Variants in MTUS2 observed in about 807,000 individuals in gnomAD.
MTUS2 encodes microtubule associated scaffold protein 2, also known as microtubule-associated tumor suppressor candidate 2.
Under a neutral mutation model 114.1 loss-of-function variants are expected in MTUS2, and 40 were observed. The observed-to-expected ratio is 0.35, with a 90% CI of 0.27 to 0.46. The LOEUF is 0.46. Ranked by LOEUF, MTUS2 falls within the 20% of genes least tolerant of loss-of-function variation. The pLI is 1.00. For missense variants in MTUS2, 1,679 were observed against 1,705.4 expected, an observed-to-expected ratio of 0.98 and a Z score of 0.27; for synonymous variants, 688 against 672.0, an observed-to-expected ratio of 1.02 and a Z score of -0.37.
chr13:29,022,729 A>G (rs1362848318), intron 2 of MTUS2, among the ~76,000 whole-genome samples: 1 of 152,194 alleles, frequency 6.6e-6, no homozygotes, highest in East Asian at 1.9e-4. Flanking sequence ...CCCTATCCCC[A>G]GTGCCTAATA....
Position 29,158,228 on chromosome 13 carries a change from T to A in MTUS2, c.2644+57258T>A, listed in dbSNP as rs140918649. Among the ~76,000 whole-genome samples the A allele has an allele frequency of 1.1e-3, 167 of 152,236 alleles. 1 individual carries two copies. Among genetic ancestry groups the A allele is most frequent in the African/African-American group, 3.9e-3 (161 of 41,534 alleles). ...ATGCCCTAAGAATAGATGAAAAGAT[T>A]GCCAGTTCTGGAGGACCTACCAAGT... On this transcript the variant is annotated intron_variant, in intron 5 of 15. Transcript: ENST00000612955.
intron 4 of MTUS2, among the ~76,000 whole-genome samples, chr13:29,089,660 T>C (rs1004022010): frequency 5.3e-5 from 8 of 152,316 alleles, no homozygotes; most frequent in Middle Eastern, 3.4e-3. Flanking sequence ...TTTAAATTCT[T>C]TTTTTTGTCT....
chr13:29,069,549 A>G (rs1325233121), intron 4 of MTUS2, among the ~76,000 whole-genome samples: 3 of 152,192 alleles, frequency 2.0e-5, no homozygotes, highest in Non-Finnish European at 2.9e-5. Context: ...ACCAGAAATA[A>G]TGTTTAACCA....
chr13:29,079,765 A>G (rs1270495446), intron 4 of MTUS2, among the ~76,000 whole-genome samples: 2 of 152,168 alleles, frequency 1.3e-5, no homozygotes, highest in Non-Finnish European at 2.9e-5. Flanking sequence ...GTCTATCTTT[A>G]TGCTAGTACC....
chr13:29,026,658 G>C lies in MTUS2; in HGVS notation c.1960G>C (p.Ala654Pro). ...IITYIRRNPQ[A>P]LGQVDASLVP... Reference sequence around the variant, plus strand: ...CACCTACATCAGGAGGAATCCCCAGGCCCTGGGCCAGGTGGACGCCTCGCT... The same window carrying C: ...CACCTACATCAGGAGGAATCCCCAGCCCCTGGGCCAGGTGGACGCCTCGCT... The change falls in exon 3 of 16, where the codon GCC (alanine) becomes CCC (proline). Residue 654 changes from alanine (A) to proline (P), a missense_variant. Ala to Pro is a conservative substitution (Grantham distance 27). This residue lies in a region of MTUS2 where 14 missense variants were observed against 34.9 expected (regional missense o/e 0.40). Coordinates refer to ENST00000612955, the MANE Select transcript of MTUS2 (RefSeq NM_001033602.4). The C allele has an allele frequency of 6.2e-7, 1 of 1,613,972 alleles. No homozygotes were observed.
intron 4 of MTUS2, among the ~76,000 whole-genome samples, chr13:29,068,781 T>G (rs546769661): frequency 8.3e-4 from 126 of 152,160 alleles, no homozygotes; most frequent in Non-Finnish European, 6.2e-4. Flanking sequence ...CACAGGTAGA[T>G]TGTAGAGTGT....
intron 2 of MTUS2, among the ~76,000 whole-genome samples, chr13:28,989,278 T>G (rs906400119): frequency 2.0e-5 from 3 of 152,182 alleles, no homozygotes; most frequent in African/African-American, 7.2e-5. Flanking sequence ...TGCAGATGAA[T>G]TCTCATCTTA....
intron 8 of MTUS2, among the ~76,000 whole-genome samples, chr13:29,362,415 G>A (rs1566154560): frequency 6.6e-6 from 1 of 152,196 alleles, no homozygotes; most frequent in Non-Finnish European, 1.5e-5. Flanking sequence ...AGCCCTTGAA[G>A]AGCTTGGCCT....
chr13:28,988,088 A>G (rs1263339708), intron 2 of MTUS2, among the ~76,000 whole-genome samples: 3 of 152,258 alleles, frequency 2.0e-5, no homozygotes, highest in Non-Finnish European at 4.4e-5. Flanking sequence ...CTCATTTTAC[A>G]GCCAATGTTG....
chr13:29,286,694 C>CTATA (rs1898505041), intron 6 of MTUS2, among the ~76,000 whole-genome samples: 2 of 142,074 alleles, frequency 1.4e-5, no homozygotes, highest in African/African-American at 5.0e-5. Context: ...ATCTATCTAT[C>CTATA]TATCTTACTT....
intron 9 of MTUS2, among the ~76,000 whole-genome samples, chr13:29,479,696 C>G (rs112460645): frequency 6.6e-6 from 1 of 152,208 alleles, no homozygotes; most frequent in South Asian, 2.1e-4. Context: ...TCTTGATGGA[C>G]GTAAGAGTCA....
rs1298716904 is a variant in MTUS2 at position 29,375,488 on chromosome 13, AACCGCAATC to A, written c.3117+16019_3117+16027del. ...GCAATTACTTACTTTTAATGGCAAA[AACCGCAATC>A]ACCTTTGCACCAGCCTACTATATAT... On this transcript the variant is annotated intron_variant, in intron 8 of 15. Transcript: ENST00000612955. Among the ~76,000 whole-genome samples, 2 of 132,954 alleles carry A rather than the reference AACCGCAATC, an allele frequency of 1.5e-5. 1 individual carries two copies. Among genetic ancestry groups the A allele is most frequent in the African/African-American group, 5.6e-5 (2 of 35,552 alleles). The allele number at this position is 132,954 out of a possible 152,430, so 87.2% of individuals were successfully genotyped here.
intron 5 of MTUS2, among the ~76,000 whole-genome samples, chr13:29,246,861 C>T (rs759271962): frequency 6.6e-6 from 1 of 150,586 alleles, no homozygotes; most frequent in Non-Finnish European, 1.5e-5. Context: ...CAATGCAATT[C>T]TCATCAAAAT....
At chr13:29,495,415 A>G (rs1201116882) in intron 12 of MTUS2, among the ~76,000 whole-genome samples, 1 of 151,716 alleles carries the variant, frequency 6.6e-6, no homozygotes, top group Non-Finnish European at 1.5e-5. Context: ...AAAAGAGGAA[A>G]AGAAACCTAC....
intron 6 of MTUS2, among the ~76,000 whole-genome samples, chr13:29,301,461 G>A (rs763829935): frequency 1.3e-5 from 2 of 152,162 alleles, no homozygotes; most frequent in African/African-American, 4.8e-5. Flanking sequence ...TAAAAGCCAC[G>A]TTGGACATAT....
chr13:29,503,415 C>T lies in MTUS2; in HGVS notation c.*209C>T. 1.7e-6 allele frequency: 1 copy of T among 604,314 alleles called. No individual in the cohort carries two copies. The allele number at this position is 604,314 out of a possible 1,614,324, so 37.4% of individuals were successfully genotyped here. A position where few individuals can be genotyped will look rare whatever the true frequency, so the allele number is the denominator to read the frequency against. On this transcript the variant is annotated 3_prime_UTR_variant, in exon 16 of 16. Coordinates refer to ENST00000612955, the MANE Select transcript of MTUS2 (RefSeq NM_001033602.4). ...TAAATGGTAAAGTCTGATGTGCAAACGTTTTACCATAGTTAGAGCCAAAAG... is the reference window on the plus strand; with the variant it reads ...TAAATGGTAAAGTCTGATGTGCAAATGTTTTACCATAGTTAGAGCCAAAAG...
chr13:29,381,812 G>A (rs3922984), intron 8 of MTUS2, among the ~76,000 whole-genome samples: 92,015 of 151,914 alleles, frequency 0.61, 29,253 homozygotes, highest in East Asian at 0.73. Context: ...CTGTTTCATG[G>A]AGCCTGGAAA....
intron 6 of MTUS2, among the ~76,000 whole-genome samples, chr13:29,290,178 G>C (rs780904580): frequency 2.3e-4 from 35 of 152,148 alleles, no homozygotes; most frequent in Non-Finnish European, 3.8e-4. Context: ...TATTTTTCCT[G>C]CCTTTGTCTA....
chr13:29,044,324 G>T (rs1193002516), intron 4 of MTUS2, among the ~76,000 whole-genome samples: 5 of 151,842 alleles, frequency 3.3e-5, no homozygotes, highest in Non-Finnish European at 5.9e-5. Flanking sequence ...TTGGGTCTTT[G>T]TACATAGTGT....
Sources: gnomAD v4.1 joint callset for allele counts (sites outside exome capture counted in the v4.1 genomes callset) on GRCh38, gnomAD v4.1.1 for gene constraint, gnomAD v4.1.1 regional missense constraint, MANE v1.5 for transcripts, NCBI Gene and HGNC (gene_info 2026-07-23, HGNC 2026-07-21) for gene names.